Variants in UGT2A2 observed in about 807,000 individuals in gnomAD.
UGT2A2 encodes the protein UDP glucuronosyltransferase family 2 member A2.
UGT2A2 carries 60 observed loss-of-function variants against 50.7 expected under a neutral mutation model. That is an observed-to-expected ratio of 1.18 (90% confidence interval 0.96 to 1.47). UGT2A2 has a LOEUF of 1.47. Ranked by LOEUF, UGT2A2 falls within the 40% of genes most tolerant of loss-of-function variation. UGT2A2 has a pLI of 0.00. For synonymous variants in UGT2A2, 242 were observed against 214.6 expected (o/e 1.13, Z -1.11); for missense variants, 762 against 634.0 (o/e 1.20, Z -2.17).
At chr4:69,624,282 A>T (rs1041458691) in intron 1 of UGT2A2, among the ~76,000 whole-genome samples, 10 of 151,494 alleles carry the variant, frequency 6.6e-5, no homozygotes, top group African/African-American at 1.7e-4. Context: ...ATCTAATATT[A>T]ATGCAGCCAC....
At chr4:69,624,024 C>G (rs572649391) in intron 1 of UGT2A2, among the ~76,000 whole-genome samples, 1 of 151,594 alleles carries the variant, frequency 6.6e-6, no homozygotes, top group East Asian at 1.9e-4. Context: ...AATATGAACT[C>G]TGTTATTTCC....
intron 1 of UGT2A2, among the ~76,000 whole-genome samples, chr4:69,605,743 C>T (rs1461053388): frequency 7.3e-6 from 1 of 136,458 alleles, no homozygotes; most frequent in Non-Finnish European, 1.6e-5. Flanking sequence ...AAGGGGATAT[C>T]ACCACCGATC....
chr4:69,627,411 T>G (rs1721121612), intron 1 of UGT2A2, among the ~76,000 whole-genome samples: 1 of 151,484 alleles, frequency 6.6e-6, no homozygotes, highest in Admixed American at 6.6e-5. Flanking sequence ...ATGCATAGAT[T>G]ATAACAAAAT....
chr4:69,600,523 AC>A (rs1428567897), intron 1 of UGT2A2, among the ~76,000 whole-genome samples: 1 of 152,200 alleles, frequency 6.6e-6, no homozygotes, highest in Non-Finnish European at 1.5e-5. Flanking sequence ...GGACATCCCT[AC>A]TTTAGAGGAG....
At chr4:69,601,541 G>A (rs555302544) in intron 1 of UGT2A2, among the ~76,000 whole-genome samples, 1 of 152,258 alleles carries the variant, frequency 6.6e-6, no homozygotes, top group South Asian at 2.1e-4. Context: ...CCCCAAGAAG[G>A]AAAACACTTC....
At chr4:69,603,312 C>A (rs1719406464) in intron 1 of UGT2A2, among the ~76,000 whole-genome samples, 1 of 135,940 alleles carries the variant, frequency 7.4e-6, no homozygotes, top group Non-Finnish European at 1.6e-5. Flanking sequence ...AAAAACAAAA[C>A]CACTTATGTA....
In UGT2A2 at chr4:69,596,281, A is replaced by G. The variant is rs779696171; in HGVS notation, c.992T>C (p.Ile331Thr). The G allele has an allele frequency of 6.2e-6, 10 of 1,606,706 alleles. No individual in the cohort carries two copies. Among genetic ancestry groups the G allele is most frequent in the South Asian group, 5.5e-5 (5 of 90,156 alleles). ...TGGAATCTGGGCAAGGGCTGAGGCA[A>G]TAAGATTGGCCTTTTCTTCTGTAAG... Reference protein sequence around the residue: ...KNLTEEKANLIASALAQIPQK... With the variant: ...KNLTEEKANLTASALAQIPQK... Residue 331 changes from isoleucine to threonine, a missense_variant, in exon 3 of 6, where the codon ATT (isoleucine) becomes ACT (threonine). By Grantham distance (89) the Ile-to-Thr change is moderately conservative (BLOSUM62 -1). Coordinates refer to ENST00000604629, the MANE Select transcript of UGT2A2 (RefSeq NM_001105677.2).
intron 1 of UGT2A2, among the ~76,000 whole-genome samples, chr4:69,635,049 AT>A (rs1721597268): frequency 6.6e-6 from 1 of 152,146 alleles, no homozygotes. Context: ...TTTACATTGC[AT>A]GTCTGTATCA....
intron 5 of UGT2A2, 34 bp from the exon 6 acceptor site, chr4:69,589,685 AT>A: frequency 1.9e-6 from 3 of 1,563,454 alleles, no homozygotes; most frequent in Non-Finnish European, 2.6e-6. Flanking sequence ...AAATTAGACA[AT>A]TTTTGTTTTT....
chr4:69,599,610 A>T (rs1719141853), intron 1 of UGT2A2: 1 of 573,286 alleles, frequency 1.7e-6, no homozygotes. Context: ...GAAGGGAGGA[A>T]GGGAGGAAGG....
intron 1 of UGT2A2, among the ~76,000 whole-genome samples, chr4:69,626,026 T>C (rs1172012165): frequency 6.6e-6 from 1 of 151,728 alleles, no homozygotes; most frequent in African/African-American, 2.4e-5. Flanking sequence ...AATTCTATCA[T>C]GTATGTCATG....
At chr4:69,621,729 T>G (rs184175682) in intron 1 of UGT2A2, among the ~76,000 whole-genome samples, 7 of 152,012 alleles carry the variant, frequency 4.6e-5, no homozygotes, top group African/African-American at 1.4e-4. Context: ...TGATTCACAA[T>G]AGCAAAAACA....
chr4:69,619,704 A>T (rs2109933587), intron 1 of UGT2A2, among the ~76,000 whole-genome samples: 1 of 152,138 alleles, frequency 6.6e-6, no homozygotes, highest in Admixed American at 6.6e-5. Flanking sequence ...CAAAAAATAA[A>T]ATAAAATTCA....
Position 69,595,149 on chromosome 4 carries a change from C to T in UGT2A2, c.1111+13G>A. 1.2e-6 allele frequency: 2 copies of T among 1,613,650 alleles called. No individual in the cohort carries two copies. Among genetic ancestry groups the T allele is most frequent in the Non-Finnish European group, 1.7e-6 (2 of 1,179,788 alleles). On this transcript the variant is annotated intron_variant, in intron 4 of 5. Transcript: ENST00000604629. ...TGTCCCACTGTACAGCTTTTCTTTC[C>T]CCACAGTCTTACCAAGAAGATCATT...
intron 1 of UGT2A2, among the ~76,000 whole-genome samples, chr4:69,634,193 C>T (rs1228414231): frequency 2.6e-5 from 4 of 151,874 alleles, no homozygotes; most frequent in East Asian, 1.9e-4. Flanking sequence ...TGCAGTGAGC[C>T]GAGATCGCGC....
intron 5 of UGT2A2, among the ~76,000 whole-genome samples, chr4:69,592,844 A>T (rs1560465485): frequency 6.6e-6 from 1 of 152,088 alleles, no homozygotes; most frequent in Admixed American, 6.6e-5. Context: ...AAACTGGATA[A>T]TTTTTTATCT....
chr4:69,605,904 C>T (rs962905004), intron 1 of UGT2A2, among the ~76,000 whole-genome samples: 1 of 136,804 alleles, frequency 7.3e-6, no homozygotes, highest in African/African-American at 3.0e-5. Context: ...AGACCAATAA[C>T]AGGCTCTGAA....
At chr4:69,598,436 C>T (rs1719063433) in intron 2 of UGT2A2, among the ~76,000 whole-genome samples, 1 of 152,046 alleles carries the variant, frequency 6.6e-6, no homozygotes, top group Non-Finnish European at 1.5e-5. Flanking sequence ...TTATATTCCA[C>T]ATTTCTTTTC....
At chr4:69,608,615 A>T (rs1370608926) in intron 1 of UGT2A2, among the ~76,000 whole-genome samples, 1 of 152,110 alleles carries the variant, frequency 6.6e-6, no homozygotes, top group Non-Finnish European at 1.5e-5. Flanking sequence ...GAGTCAGGGA[A>T]GAAGGAAGGA....
Sources: allele counts gnomAD v4.1 joint callset (sites outside exome capture counted in the v4.1 genomes callset), GRCh38; gene constraint gnomAD v4.1.1; transcripts MANE v1.5; gene names NCBI Gene and HGNC (gene_info 2026-07-23, HGNC 2026-07-21).